The following TSPAN18 variants were observed in gnomAD, a reference collection of about 807,000 sequenced individuals.
TSPAN18 encodes tetraspanin 18.
In TSPAN18, 14 loss-of-function variants were observed where a neutral mutation model predicts 27.3. The observed-to-expected ratio is 0.51, with a 90% CI of 0.34 to 0.80. TSPAN18 has a LOEUF of 0.80. Among genes scored for constraint, TSPAN18 ranks in the 30% least tolerant of loss-of-function variants. The probability of loss-of-function intolerance (pLI) is 0.01; values close to 1 mark genes in which losing one functional copy is unlikely to be tolerated. For synonymous variants in TSPAN18, 143 were observed against 136.5 expected (o/e 1.05, Z -0.33); for missense variants, 268 against 323.9 (o/e 0.83, Z 1.32).
chr11:44,927,617 G>A (rs1249029669), intron 9 of TSPAN18, among the ~76,000 whole-genome samples: 1 of 152,192 alleles, frequency 6.6e-6, no homozygotes, highest in Non-Finnish European at 1.5e-5. Context: ...ATTCATTCAT[G>A]TATTCAACAA....
intron 2 of TSPAN18, among the ~76,000 whole-genome samples, chr11:44,819,274 G>C (rs1435102239): frequency 6.6e-6 from 1 of 152,168 alleles, no homozygotes; most frequent in Non-Finnish European, 1.5e-5. Flanking sequence ...GCAAGCTGCT[G>C]AGTGCTAATG....
intron 3 of TSPAN18, chr11:44,886,190 C>T (rs1317201799): frequency 1.3e-5 from 2 of 152,216 alleles, no homozygotes; most frequent in Non-Finnish European, 2.9e-5. Flanking sequence ...TCTGAGAGAC[C>T]TCTCCTTCAT....
chr11:44,918,010 C>G lies in TSPAN18; in HGVS notation c.297C>G (p.Leu99=), dbSNP rs756169586. 6.2e-7 allele frequency: 1 copy of G among 1,614,156 alleles called. No individual in the cohort carries two copies. The change falls in exon 6 of 10, where the codon CTC becomes CTG. Residue 99 remains leucine (L), a synonymous_variant. Coordinates refer to ENST00000520358, the MANE Select transcript of TSPAN18 (RefSeq NM_130783.5). ...TCCTGATCATCTTCCTGGCAGAGCT[C>G]TCAGCAGCCATCCTGGCCTTCATCT... ...LFILIIFLAE[L]SAAILAFIFR... is the part of the protein sequence containing the mutation.
At chr11:44,814,545 C>T (rs1311177528) in intron 2 of TSPAN18, among the ~76,000 whole-genome samples, 1 of 152,234 alleles carries the variant, frequency 6.6e-6, no homozygotes, top group Admixed American at 6.5e-5. Flanking sequence ...ACAGTGCACT[C>T]AGCAACACTT....
chr11:44,877,234 C>G (rs865935676), intron 3 of TSPAN18, among the ~76,000 whole-genome samples: 1 of 152,224 alleles, frequency 6.6e-6, no homozygotes, highest in South Asian at 2.1e-4. Flanking sequence ...CAGGCTGGGG[C>G]GGGAGCCCGA....
chr11:44,734,325 C>G (rs1171876684), intron 1 of TSPAN18, among the ~76,000 whole-genome samples: 1 of 152,250 alleles, frequency 6.6e-6, no homozygotes, highest in Non-Finnish European at 1.5e-5. Context: ...GTCTGCTTTT[C>G]TGTGGATAGT....
At chr11:44,906,210 C>T (rs1416193048) in intron 3 of TSPAN18, among the ~76,000 whole-genome samples, 197 bp from the exon 4 acceptor site, 2 of 152,228 alleles carry the variant, frequency 1.3e-5, no homozygotes, top group Non-Finnish European at 2.9e-5. Context: ...CCCAAGGTCA[C>T]ATAGCGAATG....
chr11:44,888,782 G>T (rs929824584), intron 3 of TSPAN18, among the ~76,000 whole-genome samples: 2 of 152,186 alleles, frequency 1.3e-5, no homozygotes, highest in Non-Finnish European at 2.9e-5. Flanking sequence ...CCCTGTCCAG[G>T]ATTTGAATTC....
chr11:44,843,313 A>G (rs911396590), intron 2 of TSPAN18, among the ~76,000 whole-genome samples: 21 of 152,202 alleles, frequency 1.4e-4, no homozygotes, highest in Non-Finnish European at 3.1e-4. Flanking sequence ...ATGCCCCACA[A>G]GCCACAAAAA....
At chr11:44,737,817 T>A (rs1854833733) in intron 1 of TSPAN18, among the ~76,000 whole-genome samples, 2 of 152,060 alleles carry the variant, frequency 1.3e-5, no homozygotes, top group African/African-American at 4.8e-5. Flanking sequence ...TGAATCTTTG[T>A]GATCTTCCTC....
chr11:44,854,215 G>T (rs1356962379), intron 2 of TSPAN18, among the ~76,000 whole-genome samples: 6 of 133,914 alleles, frequency 4.5e-5, no homozygotes, highest in Admixed American at 7.5e-5. Context: ...GGGGGGGTTT[G>T]TGTGCGTGTG....
chr11:44,925,219 G>C (rs577891754), intron 8 of TSPAN18, among the ~76,000 whole-genome samples: 126 of 152,346 alleles, frequency 8.3e-4, no homozygotes, highest in African/African-American at 2.6e-3. Context: ...ATTACCTTGG[G>C]TATCGTCCTA....
At chr11:44,906,380 A>T in intron 3 of TSPAN18, 27 bp from the exon 4 acceptor site, 1 of 1,612,876 alleles carries the variant, frequency 6.2e-7, no homozygotes, top group Non-Finnish European at 8.5e-7. Flanking sequence ...CCCCATCGGG[A>T]AGACTGAGGT....
intron 2 of TSPAN18, among the ~76,000 whole-genome samples, chr11:44,804,690 T>A (rs1050331307): frequency 6.6e-6 from 1 of 152,134 alleles, no homozygotes; most frequent in Non-Finnish European, 1.5e-5. Context: ...GCTGCTGTGC[T>A]TGCAGGGGTG....
At chr11:44,896,291 C>T (rs190298121) in intron 3 of TSPAN18, among the ~76,000 whole-genome samples, 99 of 152,262 alleles carry the variant, frequency 6.5e-4, no homozygotes, top group Non-Finnish European at 1.1e-3. Context: ...TTGACTCTGA[C>T]CCCTGAGTTT....
Position 44,882,858 on chromosome 11 carries a change from C to T in TSPAN18, c.-11+22389C>T, listed in dbSNP as rs181500949. On this transcript the variant is annotated intron_variant, in intron 3 of 9. Transcript: ENST00000520358. ...AGACCCAAGGGCGCTGCCTTTTGTT[C>T]TTACATCCTCAAGAACTGCAGAAAA... Among the ~76,000 whole-genome samples, 64 of 152,286 alleles carry T rather than the reference C, an allele frequency of 4.2e-4. No individual in the cohort carries two copies. In the East Asian group the frequency reaches 0.012, roughly 28 times the overall value.
chr11:44,871,778 C>T, intron 3 of TSPAN18, among the ~76,000 whole-genome samples: 1 of 152,212 alleles, frequency 6.6e-6, no homozygotes, highest in Non-Finnish European at 1.5e-5. Context: ...GCTGCTCATG[C>T]CTGCACACCT....
At chr11:44,797,501 G>A (rs891238923) in intron 2 of TSPAN18, among the ~76,000 whole-genome samples, 5 of 152,164 alleles carry the variant, frequency 3.3e-5, no homozygotes, top group Non-Finnish European at 7.3e-5. Context: ...GGGGTGGGGA[G>A]GAGTATGGAG....
intron 2 of TSPAN18, among the ~76,000 whole-genome samples, chr11:44,800,015 T>G (rs1342363150): frequency 1.1e-3 from 168 of 148,366 alleles, no homozygotes; most frequent in Non-Finnish European, 1.9e-3. Flanking sequence ...TGTTTTTTTT[T>G]TTTTTTTTTT....
Sources: allele counts gnomAD v4.1 joint callset (sites outside exome capture counted in the v4.1 genomes callset), GRCh38; gene constraint gnomAD v4.1.1; transcripts MANE v1.5; gene names NCBI Gene and HGNC (gene_info 2026-07-23, HGNC 2026-07-21).